The following BACC1 variants were observed in gnomAD, a reference collection of about 807,000 sequenced individuals.
BACC1 encodes the protein BPTF associated chromatin complex component 1.
the BACC1 span, chr17:7,016,592 T>A: frequency 1.2e-6 from 2 of 1,613,972 alleles, no homozygotes; most frequent in Non-Finnish European, 8.5e-7. Context: ...GAAGGTGGCA[T>A]CTGGTGTCTT....
the BACC1 span, chr17:7,016,805 G>A: frequency 2.0e-6 from 3 of 1,518,506 alleles, no homozygotes; most frequent in Non-Finnish European, 2.7e-6. Flanking sequence ...GGTTCCCAGA[G>A]AGGGGCAGAG....
chr17:7,015,641 C>A, the BACC1 span: 1 of 1,312,300 alleles, frequency 7.6e-7, no homozygotes, highest in Non-Finnish European at 1.0e-6. Context: ...TACGGAGGAC[C>A]TCTTTATGCA....
chr17:7,016,321 C>T, the BACC1 span: 2 of 657,736 alleles, frequency 3.0e-6, no homozygotes, highest in African/African-American at 1.8e-5. Context: ...ACTCTCCACA[C>T]TCCATCCATC....
chr17:7,015,059 C>T, the BACC1 span: 6 of 1,534,760 alleles, frequency 3.9e-6, no homozygotes, highest in South Asian at 4.8e-5. Context: ...GCCCCGCCCC[C>T]AGGTCGGAGA....
At chr17:7,016,801 C>T in the BACC1 span, 1 of 1,517,484 alleles carries the variant, frequency 6.6e-7, no homozygotes, top group South Asian at 1.2e-5. Context: ...TGGAGGTTCC[C>T]AGAGAGGGGC....
At chr17:7,017,183 C>T in the BACC1 span, 1 of 1,601,316 alleles carries the variant, frequency 6.2e-7, no homozygotes, top group Non-Finnish European at 8.6e-7. Context: ...CAGGGTGTTT[C>T]AGGGAGGTGG....
the BACC1 span, chr17:7,015,904 C>T: frequency 3.2e-6 from 5 of 1,584,926 alleles, no homozygotes; most frequent in East Asian, 2.2e-5. Context: ...CAGAAAAGGG[C>T]GGGTGGGCAG....
chr17:7,017,359 C>T, the BACC1 span: 525 of 1,574,940 alleles, frequency 3.3e-4, no homozygotes, highest in Non-Finnish European at 4.3e-4. Flanking sequence ...CATGCCGGAC[C>T]TGTGGATCTC....
At chr17:7,014,840 G>A in the BACC1 span, 6 of 1,530,958 alleles carry the variant, frequency 3.9e-6, no homozygotes, top group Non-Finnish European at 4.4e-6. This position sits in a 1 kb window ranked among gnomAD's most constrained non-coding sequence, Gnocchi z 4.5. Context: ...GCGTCTCCGT[G>A]AGGAGGCGCG....
chr17:7,015,133 C>T, the BACC1 span: 8 of 1,586,664 alleles, frequency 5.0e-6, no homozygotes, highest in Admixed American at 3.5e-5. Context: ...AGCTGCATCC[C>T]GTGGCCGACT....
At chr17:7,016,024 T>C in the BACC1 span, 2 of 643,494 alleles carry the variant, frequency 3.1e-6, no homozygotes, top group African/African-American at 1.8e-5. Context: ...ACTGAAAGAA[T>C]AGAATTGTCA....
the BACC1 span, chr17:7,015,198 G>A: frequency 6.6e-7 from 1 of 1,525,358 alleles, no homozygotes; most frequent in African/African-American, 1.4e-5. Context: ...GAGAGCGGGC[G>A]CTTGGACTCG....
chr17:7,015,010 G>T, the BACC1 span: 1 of 1,427,030 alleles, frequency 7.0e-7, no homozygotes, highest in Non-Finnish European at 9.1e-7. Flanking sequence ...GGGGCTCCGG[G>T]CGGGACGGGG....
chr17:7,017,374 G>A, the BACC1 span: 3 of 1,542,106 alleles, frequency 1.9e-6, no homozygotes, highest in East Asian at 2.2e-5. Context: ...GATCTCCTGG[G>A]ACTCCGAGCA....
chr17:7,016,785 T>A, the BACC1 span: 57 of 1,527,002 alleles, frequency 3.7e-5, no homozygotes, highest in East Asian at 2.7e-4. Flanking sequence ...TCTCTTCCTG[T>A]CCCTGTGGAG....
chr17:7,016,641 G>C, the BACC1 span: 2 of 1,613,914 alleles, frequency 1.2e-6, no homozygotes, highest in Non-Finnish European at 1.7e-6. Flanking sequence ...AGCAGCTCCA[G>C]TGTCCCTGAG....
the BACC1 span, chr17:7,016,419 C>T: frequency 6.7e-7 from 1 of 1,498,486 alleles, no homozygotes; most frequent in African/African-American, 1.4e-5. Flanking sequence ...ACTCCCAGAA[C>T]CCCTTCCCCT....
the BACC1 span, chr17:7,017,394 C>T: frequency 3.2e-5 from 45 of 1,425,786 alleles, no homozygotes; most frequent in East Asian, 2.0e-4. Flanking sequence ...AAGGCCTGCA[C>T]GAGAGAGGGC....
At chr17:7,017,411 G>A in the BACC1 span, 1 of 1,231,998 alleles carries the variant, frequency 8.1e-7, no homozygotes, top group South Asian at 1.2e-5. Flanking sequence ...GGGCTGAAAG[G>A]CTGCTGGGGC....
Sources: gnomAD v4.1 joint callset for allele counts on GRCh38, gnomAD v4.1.1 for gene constraint, Gnocchi (gnomAD v3.1) non-coding constraint, MANE v1.5 for transcripts, NCBI Gene and HGNC (gene_info 2026-07-23, HGNC 2026-07-21) for gene names.